The following FBXL3 variants were observed in gnomAD, a reference collection of about 807,000 sequenced individuals.
The protein encoded by FBXL3 is F-box and leucine rich repeat protein 3, also known as F-box/LRR-repeat protein 3.
A neutral mutation model predicts 37.9 loss-of-function variants in FBXL3; 14 were observed. The ratio of observed to expected loss-of-function variants is 0.37; its 90% CI spans 0.24 to 0.58. The LOEUF is 0.58. Among genes scored for constraint, FBXL3 ranks in the 20% least tolerant of loss-of-function variants. The probability of loss-of-function intolerance (pLI) is 0.74; values close to 1 mark genes in which losing one functional copy is unlikely to be tolerated. For missense variants in FBXL3, 327 were observed against 511.1 expected, an observed-to-expected ratio of 0.64 and a Z score of 3.47; for synonymous variants, 194 against 180.1, an observed-to-expected ratio of 1.08 and a Z score of -0.62.
intron 3 of FBXL3, chr13:77,017,070 T>C (rs1157186870): frequency 1.3e-4 from 4 of 31,066 alleles, no homozygotes; most frequent in African/African-American, 1.9e-4. Flanking sequence ...AAACATTTCT[T>C]CTATGTTCTC....
chr13:77,025,687 CAA>C (rs35934318), intron 1 of FBXL3, among the ~76,000 whole-genome samples: 15 of 73,960 alleles, frequency 2.0e-4, no homozygotes, highest in African/African-American at 4.5e-4. Context: ...GTCCTTGTCT[CAA>C]AAAAAAAAAA....
In FBXL3 at chr13:77,018,738, C is replaced by T. The variant is rs2034688679; in HGVS notation, c.349-16G>A. 6.5e-7 allele frequency: 1 copy of T among 1,531,886 alleles called. No homozygotes were observed. The highest frequency in any genetic ancestry group is 1.7e-4 in the Middle Eastern group (1 of 5,738). 94.9% of individuals were successfully genotyped at this position (1,531,886 alleles called of 1,614,324 possible). A position where few individuals can be genotyped will look rare whatever the true frequency, so the allele number is the denominator to read the frequency against. ...TGCTGTCCACCTTAGAAAAGAAACA[C>T]CGTTTACTCATGAATATTTTATTAT... On this transcript the variant is annotated splice_polypyrimidine_tract_variant and intron_variant, in intron 2 of 4. Coordinates refer to ENST00000355619, the MANE Select transcript of FBXL3 (RefSeq NM_012158.4).
chr13:77,012,182 T>C (rs1456973317), intron 4 of FBXL3, among the ~76,000 whole-genome samples: 1 of 152,208 alleles, frequency 6.6e-6, no homozygotes, highest in Non-Finnish European at 1.5e-5. Flanking sequence ...TGGTGATGCA[T>C]GCACTACTCT....
At chr13:77,007,949 T>C (rs1187985444) in intron 4 of FBXL3, among the ~76,000 whole-genome samples, 161 bp from the exon 5 acceptor site, 2 of 152,210 alleles carry the variant, frequency 1.3e-5, no homozygotes, top group Admixed American at 6.5e-5. Context: ...GTAACAAACA[T>C]TTAAAATCTA....
intron 1 of FBXL3, among the ~76,000 whole-genome samples, chr13:77,025,687 C>CAAAAAAAAA (rs35934318): frequency 1.4e-5 from 1 of 73,968 alleles, no homozygotes; most frequent in African/African-American, 5.6e-5. Flanking sequence ...GTCCTTGTCT[C>CAAAAAAAAA]AAAAAAAAAA....
intron 4 of FBXL3, chr13:77,010,268 A>C (rs1426393755): frequency 6.6e-6 from 1 of 150,554 alleles, no homozygotes; most frequent in Non-Finnish European, 1.5e-5. Context: ...TTAAAAAAAA[A>C]CACACAGACA....
At chr13:77,021,943 G>T in intron 1 of FBXL3, 82 bp from the exon 2 acceptor site, 1 of 1,145,884 alleles carries the variant, frequency 8.7e-7, no homozygotes, top group South Asian at 1.5e-5. Context: ...CTGTCACTGA[G>T]ATGTGTGTTT....
chr13:77,026,241 A>G, intron 1 of FBXL3: 1 of 985,412 alleles, frequency 1.0e-6, no homozygotes, highest in Non-Finnish European at 1.2e-6. Context: ...CACCTAAAGG[A>G]CTGCCCACGC....
intron 3 of FBXL3, chr13:77,015,800 G>A (rs1566229647): frequency 3.4e-6 from 1 of 291,664 alleles, no homozygotes; most frequent in East Asian, 5.8e-5. Flanking sequence ...GGGGAAAAAA[G>A]CATTTCAAGC....
rs941212823 is a variant in FBXL3, at chr13:77,005,467, T to C, written c.*1678A>G. On this transcript the variant is annotated 3_prime_UTR_variant, in exon 5 of 5. Transcript: ENST00000355619. The stretch of plus-strand genomic sequence containing the variant: ...TACTGTCAAATCCATTTTTCCAAAG[T>C]TGTTCAAGGAAAAACAACAACTTGA... The C allele has an allele frequency of 6.6e-6, 1 of 152,584 alleles. No individual in the cohort carries two copies. Among genetic ancestry groups the C allele is most frequent in the East Asian group, 1.9e-4 (1 of 5,202 alleles). The allele number at this position is 152,584 out of a possible 1,614,324, so 9.5% of individuals were successfully genotyped here.
At chr13:77,024,565 T>C (rs1216367015) in intron 1 of FBXL3, among the ~76,000 whole-genome samples, 7 of 152,208 alleles carry the variant, frequency 4.6e-5, no homozygotes, top group African/African-American at 1.7e-4. Flanking sequence ...ATAATAGTCT[T>C]TGCTAATAAA....
intron 4 of FBXL3, chr13:77,013,203 C>G (rs548429152): frequency 2.6e-5 from 4 of 152,330 alleles, no homozygotes; most frequent in African/African-American, 9.6e-5. Flanking sequence ...TTGCTTCTAA[C>G]CCTTAAGCTG....
At position 77,018,739 on chromosome 13, in the gene FBXL3, C is replaced by T. The variant is rs753161646; in HGVS notation, c.349-17G>A. ...GCTGTCCACCTTAGAAAAGAAACACCGTTTACTCATGAATATTTTATTATT... is the reference window on the plus strand; with the variant it reads ...GCTGTCCACCTTAGAAAAGAAACACTGTTTACTCATGAATATTTTATTATT... On this transcript the variant is annotated splice_polypyrimidine_tract_variant and intron_variant, in intron 2 of 4. Transcript: ENST00000355619. 23 of 1,526,398 alleles carry T rather than the reference C, an allele frequency of 1.5e-5. No individual in the cohort carries two copies. In the Middle Eastern group the frequency reaches 7.0e-4, roughly 47 times the overall value. 94.6% of individuals were successfully genotyped at this position (1,526,398 alleles called of 1,614,324 possible). A position where few individuals can be genotyped will look rare whatever the true frequency, so the allele number is the denominator to read the frequency against.
intron 1 of FBXL3, among the ~76,000 whole-genome samples, chr13:77,022,947 G>C (rs368947318): frequency 2.2e-4 from 34 of 152,240 alleles, no homozygotes; most frequent in African/African-American, 7.5e-4. Flanking sequence ...TCCAAAATTA[G>C]TTTAATAAAA....
intron 1 of FBXL3, among the ~76,000 whole-genome samples, chr13:77,025,608 G>A (rs1008327587): frequency 1.3e-5 from 2 of 150,052 alleles, no homozygotes; most frequent in Admixed American, 1.3e-4. Flanking sequence ...AGCTACTAGG[G>A]AGCCTGGGGT....
intron 3 of FBXL3, 87 bp downstream of exon 3, chr13:77,018,513 T>C: frequency 9.2e-7 from 1 of 1,089,644 alleles, no homozygotes; most frequent in Non-Finnish European, 1.2e-6. Flanking sequence ...TAACTTTCCT[T>C]ATACTCACAC....
At chr13:77,009,599 C>T (rs1158535742) in intron 4 of FBXL3, 1 of 152,188 alleles carries the variant, frequency 6.6e-6, no homozygotes, top group Non-Finnish European at 1.5e-5. Context: ...AAAAAGTCAG[C>T]AAACAACAGA....
In FBXL3 at chr13:77,006,790, A is replaced by G; in HGVS notation, c.*355T>C. 1 of 1,001,580 alleles carries G rather than the reference A, an allele frequency of 1.0e-6. No homozygotes were observed. The highest frequency in any genetic ancestry group is 4.3e-5 in the South Asian group (1 of 23,344). The allele number at this position is 1,001,580 out of a possible 1,614,324, so 62.0% of individuals were successfully genotyped here. On this transcript the variant is annotated 3_prime_UTR_variant, in exon 5 of 5. Transcript: ENST00000355619. Reference sequence around the variant, plus strand: ...ATGTCAAGTTTACATTTTTTTTTAAATGCATAGAGAATATAACATTTCAGA... The same window carrying G: ...ATGTCAAGTTTACATTTTTTTTTAAGTGCATAGAGAATATAACATTTCAGA...
At chr13:77,014,976 C>T (rs2034618161) in intron 4 of FBXL3, 1 of 152,314 alleles carries the variant, frequency 6.6e-6, no homozygotes, top group Non-Finnish European at 1.5e-5. Flanking sequence ...CTAAGGCTAC[C>T]ACTTAGTACA....
Sources: allele counts gnomAD v4.1 joint callset (sites outside exome capture counted in the v4.1 genomes callset), GRCh38; gene constraint gnomAD v4.1.1; transcripts MANE v1.5; gene names NCBI Gene and HGNC (gene_info 2026-07-23, HGNC 2026-07-21).